Variants in TENM3 observed in about 807,000 individuals in gnomAD.
The protein encoded by TENM3 is teneurin-3.
TENM3 carries 63 observed loss-of-function variants against 255.1 expected under a neutral mutation model. The ratio of observed to expected loss-of-function variants is 0.25; its 90% CI spans 0.20 to 0.30. The LOEUF (loss-of-function observed/expected upper bound fraction) is 0.30. TENM3 is among the 10% of genes least tolerant of loss of function. TENM3 has a pLI of 1.00. For synonymous variants in TENM3, 1,306 were observed against 1,322.3 expected, an observed-to-expected ratio of 0.99 and a Z score of 0.27; for missense variants, 2,929 against 3,461.1, an observed-to-expected ratio of 0.85 and a Z score of 3.86.
the TENM3 span, among the ~76,000 whole-genome samples, chr4:181,767,068 A>G: frequency 8.0e-6 from 1 of 125,260 alleles, no homozygotes; most frequent in Non-Finnish European, 1.7e-5. Context: ...CTGGCTAACA[A>G]GGGGAAATCC....
At chr4:181,864,295 T>C in the TENM3 span, among the ~76,000 whole-genome samples, 4 of 152,130 alleles carry the variant, frequency 2.6e-5, no homozygotes, top group Non-Finnish European at 5.9e-5. Flanking sequence ...TCATATACTT[T>C]GCATTTGAGG....
the TENM3 span, among the ~76,000 whole-genome samples, chr4:181,470,064 C>T: frequency 5.9e-5 from 8 of 136,226 alleles, no homozygotes; most frequent in South Asian, 2.3e-4. Context: ...TGCCAATTCA[C>T]AGTGCAAGAT....
At chr4:182,166,528 T>C (rs1296965143) in intron 1 of TENM3, among the ~76,000 whole-genome samples, 1 of 152,208 alleles carries the variant, frequency 6.6e-6, no homozygotes, top group Non-Finnish European at 1.5e-5. Flanking sequence ...TTTGTGTCAG[T>C]TCACCCCAAA....
In TENM3 at chr4:182,797,928, G is replaced by C. The variant is rs148538337; in HGVS notation, c.7344+1161G>C. On this transcript the variant is annotated intron_variant, in intron 27 of 27. Coordinates refer to ENST00000511685, the MANE Select transcript of TENM3 (RefSeq NM_001080477.4). ...TTGTTGTTTCATACCTAATATAAAA[G>C]CAATTCCTTTTTCATAAGTTACAAA... Among the ~76,000 whole-genome samples the C allele has an allele frequency of 1.8e-4, 27 of 152,290 alleles. No homozygotes were observed. The East Asian group carries it at 4.0e-3, about 23-fold the overall frequency.
intron 1 of TENM3, among the ~76,000 whole-genome samples, chr4:182,298,820 A>G (rs1433619257): frequency 6.6e-6 from 1 of 151,452 alleles, no homozygotes; most frequent in African/African-American, 2.4e-5. Context: ...CAAAAATATA[A>G]AAATTAGCCG....
At chr4:181,492,766 T>A in the TENM3 span, among the ~76,000 whole-genome samples, 5 of 152,304 alleles carry the variant, frequency 3.3e-5, no homozygotes, top group East Asian at 9.6e-4. Context: ...CAACTCACTC[T>A]TCCCATCTGT....
the TENM3 span, among the ~76,000 whole-genome samples, chr4:181,884,901 T>G: frequency 6.6e-6 from 1 of 152,170 alleles, no homozygotes; most frequent in African/African-American, 2.4e-5. Flanking sequence ...CAAGCAATTT[T>G]CCATATGGAA....
At chr4:181,507,563 A>T in the TENM3 span, among the ~76,000 whole-genome samples, 2 of 152,304 alleles carry the variant, frequency 1.3e-5, no homozygotes, top group South Asian at 2.1e-4. Flanking sequence ...TTTTTTATAC[A>T]TGTCCTGTGG....
At chr4:182,662,159 A>T (rs747040244) in intron 6 of TENM3, among the ~76,000 whole-genome samples, 7 of 152,194 alleles carry the variant, frequency 4.6e-5, no homozygotes, top group African/African-American at 7.2e-5. Context: ...ATGTGTTTTC[A>T]TATGAACTGG....
chr4:182,493,217 C>T (rs1308362032), intron 3 of TENM3, among the ~76,000 whole-genome samples: 2 of 152,088 alleles, frequency 1.3e-5, no homozygotes, highest in Non-Finnish European at 2.9e-5. Flanking sequence ...ACATGTGTTG[C>T]ATGTGTGGAG....
At chr4:182,734,810 TATTAAA>T (rs1761041790) in intron 16 of TENM3, among the ~76,000 whole-genome samples, 1 of 152,174 alleles carries the variant, frequency 6.6e-6, no homozygotes, top group African/African-American at 2.4e-5. Flanking sequence ...AAATTACAGA[TATTAAA>T]ATCAAGTACA....
chr4:182,525,715 A>G (rs1411490285), intron 3 of TENM3, among the ~76,000 whole-genome samples: 1 of 152,202 alleles, frequency 6.6e-6, no homozygotes, highest in Non-Finnish European at 1.5e-5. Context: ...GATTGCCTGC[A>G]GGAGTTTAGT....
At chr4:182,131,548 C>T in the TENM3 span, among the ~76,000 whole-genome samples, 2 of 152,200 alleles carry the variant, frequency 1.3e-5, no homozygotes, top group East Asian at 1.9e-4. Flanking sequence ...CTGGGTTTAC[C>T]TTCTGCTCTG....
At chr4:181,884,285 A>T in the TENM3 span, among the ~76,000 whole-genome samples, 1 of 148,724 alleles carries the variant, frequency 6.7e-6, no homozygotes, top group East Asian at 2.0e-4. Context: ...AAATTTTTCT[A>T]ATTTTAATTT....
At chr4:181,713,029 G>C in the TENM3 span, among the ~76,000 whole-genome samples, 1 of 152,138 alleles carries the variant, frequency 6.6e-6, no homozygotes, top group Non-Finnish European at 1.5e-5. Context: ...AGGTAAAAAA[G>C]GAAATTATTT....
chr4:181,730,973 T>G, the TENM3 span, among the ~76,000 whole-genome samples: 1 of 152,194 alleles, frequency 6.6e-6, no homozygotes, highest in African/African-American at 2.4e-5. Context: ...AATGTAAAGA[T>G]TATAAGAATC....
chr4:182,588,588 A>G (rs2152381630), intron 3 of TENM3, among the ~76,000 whole-genome samples: 1 of 152,316 alleles, frequency 6.6e-6, no homozygotes, highest in South Asian at 2.1e-4. Flanking sequence ...TTTATTGTCA[A>G]GATTGGGACA....
chr4:182,169,403 C>G (rs375879791), intron 1 of TENM3: 3 of 434,950 alleles, frequency 6.9e-6, no homozygotes, highest in Non-Finnish European at 1.4e-5. Flanking sequence ...AAAATCTGCA[C>G]GAGGAAAAGA....
chr4:181,750,833 T>G, the TENM3 span, among the ~76,000 whole-genome samples: 1 of 152,182 alleles, frequency 6.6e-6, no homozygotes, highest in African/African-American at 2.4e-5. Context: ...TATAAAAGAA[T>G]GCTGTTGGCT....
Sources: allele counts gnomAD v4.1 joint callset (sites outside exome capture counted in the v4.1 genomes callset), GRCh38; gene constraint gnomAD v4.1.1; transcripts MANE v1.5; gene names NCBI Gene and HGNC (gene_info 2026-07-23, HGNC 2026-07-21).